NOX4: variants seen among roughly 807,000 people sequenced by gnomAD.
NOX4 encodes the protein NADPH oxidase 4, also known as kidney oxidase-1.
NOX4 carries 69 observed loss-of-function variants against 87.6 expected under a neutral mutation model. That is an observed-to-expected ratio of 0.79 (90% CI 0.65 to 0.96). The LOEUF (loss-of-function observed/expected upper bound fraction) is 0.96. Ranked by LOEUF, NOX4 falls within the 40% of genes least tolerant of loss-of-function variation. The pLI, the probability that NOX4 is intolerant of heterozygous loss-of-function variation, is 0.00. For synonymous variants in NOX4, 275 were observed against 238.2 expected, an observed-to-expected ratio of 1.15 and a Z score of -1.42; for missense variants, 680 against 681.5, an observed-to-expected ratio of 1.00 and a Z score of 0.02.
chr11:89,508,028 A>G, the NOX4 span, among the ~76,000 whole-genome samples: 3 of 152,066 alleles, frequency 2.0e-5, no homozygotes, highest in African/African-American at 7.2e-5. Flanking sequence ...CGAAGCGCCC[A>G]TTCATTGGTA....
intron 11 of NOX4, among the ~76,000 whole-genome samples, chr11:89,389,662 AT>A (rs1940984367): frequency 6.6e-6 from 1 of 152,152 alleles, no homozygotes; most frequent in African/African-American, 2.4e-5. Flanking sequence ...AATTTTACTT[AT>A]TTTTGTTTTC....
the NOX4 span, among the ~76,000 whole-genome samples, chr11:89,506,088 A>C: frequency 1.3e-5 from 2 of 151,570 alleles, no homozygotes; most frequent in Non-Finnish European, 2.9e-5. Flanking sequence ...CTGATTAAAG[A>C]CTGCATAAAT....
At chr11:89,447,323 G>A (rs1751773529) in intron 4 of NOX4, among the ~76,000 whole-genome samples, 3 of 151,932 alleles carry the variant, frequency 2.0e-5, no homozygotes, top group African/African-American at 7.3e-5. Context: ...GTCATCTATA[G>A]AAGAATTACT....
At chr11:89,512,381 A>T in the NOX4 span, among the ~76,000 whole-genome samples, 2 of 152,192 alleles carry the variant, frequency 1.3e-5, no homozygotes, top group African/African-American at 4.8e-5. Flanking sequence ...GAATATGCTT[A>T]TATTGCACAA....
intron 2 of NOX4, among the ~76,000 whole-genome samples, chr11:89,465,377 T>A (rs540920873): frequency 6.6e-6 from 1 of 152,302 alleles, no homozygotes; most frequent in South Asian, 2.1e-4. Context: ...CTTTACCCAG[T>A]CTATCATTGA....
chr11:89,470,601 A>ACT (rs1383917303), intron 2 of NOX4, among the ~76,000 whole-genome samples: 3 of 151,752 alleles, frequency 2.0e-5, no homozygotes, highest in Non-Finnish European at 4.4e-5. Context: ...TCCACCCTCC[A>ACT]CTCTCTCTCT....
intron 15 of NOX4, 93 bp downstream of exon 15, chr11:89,339,970 A>G: frequency 1.6e-6 from 1 of 625,194 alleles, no homozygotes; most frequent in Non-Finnish European, 2.8e-6. Flanking sequence ...TCTATGGTTT[A>G]TTCTATGGCA....
chr11:89,389,959 C>G (rs962447183), intron 11 of NOX4, among the ~76,000 whole-genome samples: 2 of 152,094 alleles, frequency 1.3e-5, no homozygotes, highest in Non-Finnish European at 2.9e-5. Flanking sequence ...TTTGCAAAAG[C>G]TATGAAAGAA....
chr11:89,536,775 G>A, the NOX4 span, among the ~76,000 whole-genome samples: 3 of 152,042 alleles, frequency 2.0e-5, no homozygotes, highest in Non-Finnish European at 4.4e-5. Context: ...CTGGCGTAAG[G>A]TGAACATTAC....
chr11:89,575,836 A>G, the NOX4 span, among the ~76,000 whole-genome samples: 5 of 152,116 alleles, frequency 3.3e-5, no homozygotes, highest in African/African-American at 9.7e-5. Flanking sequence ...CATTACAAAA[A>G]CACTAGATAC....
intron 12 of NOX4, among the ~76,000 whole-genome samples, chr11:89,361,305 TGG>T (rs1385504472): frequency 6.6e-5 from 10 of 152,184 alleles, no homozygotes; most frequent in African/African-American, 2.4e-4. Context: ...TGCAGCAACT[TGG>T]ATGGAGCTGG....
intron 2 of NOX4, among the ~76,000 whole-genome samples, chr11:89,456,107 G>A (rs1390132897): frequency 6.6e-6 from 1 of 152,030 alleles, no homozygotes; most frequent in African/African-American, 2.4e-5. Context: ...AATGATAAAT[G>A]GTTGAGGTGA....
At chr11:89,429,095 G>A (rs1294209277) in intron 7 of NOX4, among the ~76,000 whole-genome samples, 3 of 152,134 alleles carry the variant, frequency 2.0e-5, no homozygotes, top group African/African-American at 7.2e-5. Flanking sequence ...TGAACAACCT[G>A]CTCCTGAATG....
At chr11:89,435,428 G>C (rs371914867) in intron 6 of NOX4, among the ~76,000 whole-genome samples, 3 of 152,104 alleles carry the variant, frequency 2.0e-5, no homozygotes, top group African/African-American at 2.4e-5. Flanking sequence ...GTTTAGAATA[G>C]AGCCACAATT....
chr11:89,394,933 T>C (rs1231859867), intron 11 of NOX4, among the ~76,000 whole-genome samples: 4 of 152,220 alleles, frequency 2.6e-5, no homozygotes, highest in African/African-American at 9.6e-5. Flanking sequence ...TCCAAGTCTT[T>C]GCTATTGTGA....
At chr11:89,408,334 T>C (rs1942297803) in intron 8 of NOX4, among the ~76,000 whole-genome samples, 1 of 152,212 alleles carries the variant, frequency 6.6e-6, no homozygotes, top group African/African-American at 2.4e-5. Context: ...TTTTAACAGA[T>C]ATTCGACCTC....
upstream of NOX4, among the ~76,000 whole-genome samples, chr11:89,502,025 G>C (rs144150115): frequency 2.1e-3 from 315 of 152,166 alleles, no homozygotes; most frequent in African/African-American, 7.1e-3. Flanking sequence ...AGCACAAGGA[G>C]CCACTTCCAG....
At chr11:89,452,914 T>C (rs1309357207) in intron 2 of NOX4, among the ~76,000 whole-genome samples, 1 of 152,016 alleles carries the variant, frequency 6.6e-6, no homozygotes, top group African/African-American at 2.4e-5. Context: ...CATGGTGTAA[T>C]GCACCCGCAG....
chr11:89,499,727 T>C (rs1029579034), upstream of NOX4, among the ~76,000 whole-genome samples: 3 of 152,208 alleles, frequency 2.0e-5, no homozygotes, highest in Non-Finnish European at 2.9e-5. Flanking sequence ...AATACGTTGG[T>C]TTATCTGTCT....
Sources: allele counts gnomAD v4.1 joint callset (sites outside exome capture counted in the v4.1 genomes callset), GRCh38; gene constraint gnomAD v4.1.1; transcripts MANE v1.5; gene names NCBI Gene and HGNC (gene_info 2026-07-23, HGNC 2026-07-21).